Variants in TMEM150C observed in about 807,000 individuals in gnomAD.
The protein encoded by TMEM150C is tentonin 3.
Under a neutral mutation model 29.9 loss-of-function variants are expected in TMEM150C, and 10 were observed. The ratio of observed to expected loss-of-function variants is 0.33; its 90% CI spans 0.21 to 0.57. The LOEUF is 0.57. Among genes scored for constraint, TMEM150C ranks in the 20% least tolerant of loss-of-function variants. TMEM150C has a pLI of 0.88. For synonymous variants in TMEM150C, 101 were observed against 112.5 expected (o/e 0.90, Z 0.64); for missense variants, 251 against 303.6 (o/e 0.83, Z 1.29).
chr4:82,557,734 C>CTTTTTTT (rs767919077), intron 1 of TMEM150C, among the ~76,000 whole-genome samples: 12 of 131,338 alleles, frequency 9.1e-5, no homozygotes, highest in Middle Eastern at 4.1e-3. Context: ...TTTTCTTTTT[C>CTTTTTTT]TTTTTTTTTT....
At position 82,504,658 on chromosome 4, in the gene TMEM150C, G is replaced by T. The variant is rs976998876; in HGVS notation, c.-1C>A. 1 of 1,611,978 alleles carries T rather than the reference G, an allele frequency of 6.2e-7. No individual in the cohort carries two copies. Among genetic ancestry groups the T allele is most frequent in the Non-Finnish European group, 8.5e-7 (1 of 1,178,308 alleles). ...ATACGCTGCATTTCTTCCCATCCAT[G>T]CCTGTACCACTGAAATAAAATAAAC... is the stretch of plus-strand genomic sequence containing the variant. On this transcript the variant is annotated 5_prime_UTR_variant, in exon 2 of 8. Transcript: ENST00000449862.
chr4:82,548,122 C>T (rs911442023), intron 1 of TMEM150C, among the ~76,000 whole-genome samples: 1 of 152,118 alleles, frequency 6.6e-6, no homozygotes, highest in African/African-American at 2.4e-5. Context: ...AAATACCGTA[C>T]GTTCTCATAA....
intron 1 of TMEM150C, among the ~76,000 whole-genome samples, chr4:82,558,263 T>A (rs1053493695): frequency 2.6e-5 from 4 of 152,298 alleles, no homozygotes; most frequent in Admixed American, 2.0e-4. Context: ...ATTCAGTTCC[T>A]CAATTACACT....
intron 1 of TMEM150C, among the ~76,000 whole-genome samples, chr4:82,511,943 C>T (rs1724140312): frequency 6.6e-6 from 1 of 152,192 alleles, no homozygotes; most frequent in Non-Finnish European, 1.5e-5. Context: ...ACCCAACAGT[C>T]ATTTCTCCTC....
intron 6 of TMEM150C, among the ~76,000 whole-genome samples, chr4:82,491,966 G>T (rs1189981138): frequency 6.7e-6 from 1 of 148,744 alleles, no homozygotes; most frequent in Non-Finnish European, 1.5e-5. Flanking sequence ...TTTTTGAGAC[G>T]GAGTGCTCTG....
chr4:82,547,590 A>G (rs1012185954), intron 1 of TMEM150C, among the ~76,000 whole-genome samples: 2 of 151,168 alleles, frequency 1.3e-5, no homozygotes, highest in African/African-American at 2.5e-5. Flanking sequence ...CTGTCTCAAA[A>G]ATAAAAAAAA....
intron 6 of TMEM150C, among the ~76,000 whole-genome samples, chr4:82,492,391 G>A (rs1723384650): frequency 6.6e-6 from 1 of 152,194 alleles, no homozygotes; most frequent in African/African-American, 2.4e-5. Context: ...GCCTCCCAAA[G>A]TGCTGGGATT....
intron 6 of TMEM150C, 135 bp downstream of exon 6, chr4:82,495,933 A>C (rs1022324045): frequency 1.2e-5 from 13 of 1,120,250 alleles, no homozygotes; most frequent in Non-Finnish European, 1.7e-5. Flanking sequence ...CATGGAAAAG[A>C]GTCCTAGTTT....
intron 2 of TMEM150C, among the ~76,000 whole-genome samples, chr4:82,503,878 AC>A (rs1456516189): frequency 6.6e-6 from 1 of 152,052 alleles, no homozygotes; most frequent in Non-Finnish European, 1.5e-5. Flanking sequence ...AAAACAAAAA[AC>A]AAAAACATAT....
intron 1 of TMEM150C, among the ~76,000 whole-genome samples, chr4:82,520,340 C>G (rs1460787770): frequency 6.6e-6 from 1 of 152,204 alleles, no homozygotes; most frequent in Non-Finnish European, 1.5e-5. Flanking sequence ...TCAGCACCCA[C>G]AGTGTCCTCC....
In TMEM150C at chr4:82,533,822, T is replaced by TC. The variant is rs367579070; in HGVS notation, c.-11+28083dup. Among the ~76,000 whole-genome samples, 48 of 152,340 alleles carry TC rather than the reference T, an allele frequency of 3.2e-4. 1 individual carries two copies. Among genetic ancestry groups the TC allele is most frequent in the African/African-American group, 1.1e-3 (46 of 41,580 alleles). ...AAAATATAAAGCCGCAGAAATGTTA[T>TC]CCGCACAATGAAAGAATGTAAATCA... On this transcript the variant is annotated intron_variant, in intron 1 of 7. Coordinates refer to ENST00000449862, the MANE Select transcript of TMEM150C (RefSeq NM_001080506.3).
At chr4:82,492,836 C>T (rs1252493711) in intron 6 of TMEM150C, among the ~76,000 whole-genome samples, 1 of 118,550 alleles carries the variant, frequency 8.4e-6, no homozygotes, top group Non-Finnish European at 1.7e-5. Context: ...ATATCCACAT[C>T]TTCATCAAAC....
chr4:82,519,232 CAG>C (rs1482471011), intron 1 of TMEM150C, among the ~76,000 whole-genome samples: 2 of 152,082 alleles, frequency 1.3e-5, no homozygotes, highest in African/African-American at 4.8e-5. Flanking sequence ...GTTTTCTGAA[CAG>C]AGTTACTCAC....
chr4:82,542,781 T>G (rs1460864558), intron 1 of TMEM150C, among the ~76,000 whole-genome samples: 1 of 152,154 alleles, frequency 6.6e-6, no homozygotes. Flanking sequence ...TGATTGCCAG[T>G]GTCATTAAAT....
chr4:82,499,719 CAAAAAAAAAAAAAAA>C (rs1197264258), intron 5 of TMEM150C, among the ~76,000 whole-genome samples: 1 of 40,290 alleles, frequency 2.5e-5, no homozygotes, highest in African/African-American at 1.1e-4. Context: ...ACTCCGTCTC[CAAAAAAAAAAAAAAA>C]AAAAAAAAAA....
chr4:82,545,039 C>G (rs1287929100), intron 1 of TMEM150C, among the ~76,000 whole-genome samples: 2 of 152,108 alleles, frequency 1.3e-5, no homozygotes, highest in Non-Finnish European at 2.9e-5. Flanking sequence ...CTCCCTAACT[C>G]ATTTTATGAA....
At chr4:82,505,241 C>T (rs1048654679) in intron 1 of TMEM150C, among the ~76,000 whole-genome samples, 6 of 152,048 alleles carry the variant, frequency 3.9e-5, no homozygotes, top group Non-Finnish European at 8.8e-5. Context: ...GAGATGGGGT[C>T]TAGCTATGTT....
intron 1 of TMEM150C, among the ~76,000 whole-genome samples, chr4:82,552,910 T>C (rs375253584): frequency 3.9e-5 from 6 of 151,982 alleles, no homozygotes; most frequent in Non-Finnish European, 8.8e-5. Context: ...AGTGGAAGGG[T>C]GCTGCATCTT....
intron 7 of TMEM150C, among the ~76,000 whole-genome samples, chr4:82,485,924 AG>A (rs1480196171): frequency 6.6e-6 from 1 of 152,224 alleles, no homozygotes; most frequent in Non-Finnish European, 1.5e-5. Context: ...ACATGCTTTT[AG>A]GTGCTTTCAT....
Sources: gnomAD v4.1 joint callset for allele counts (sites outside exome capture counted in the v4.1 genomes callset) on GRCh38, gnomAD v4.1.1 for gene constraint, MANE v1.5 for transcripts, NCBI Gene and HGNC (gene_info 2026-07-23, HGNC 2026-07-21) for gene names.